Variants in CSNK2A2IP observed in about 807,000 individuals in gnomAD.
CSNK2A2IP encodes casein kinase 2 subunit alpha' interacting protein.
At chr3:88,367,745 C>T in the CSNK2A2IP span, among the ~76,000 whole-genome samples, 1 of 152,050 alleles carries the variant, frequency 6.6e-6, no homozygotes, top group Non-Finnish European at 1.5e-5. Context: ...AACAGAACTC[C>T]TGTGTTATCT....
the CSNK2A2IP span, among the ~76,000 whole-genome samples, chr3:88,370,280 GT>G: frequency 6.6e-6 from 1 of 151,744 alleles, no homozygotes; most frequent in Non-Finnish European, 1.5e-5. Context: ...AAAGACTGAG[GT>G]TTTAAAAGGA....
chr3:88,439,293 T>C, the CSNK2A2IP span, among the ~76,000 whole-genome samples: 23 of 152,228 alleles, frequency 1.5e-4, no homozygotes, highest in African/African-American at 5.5e-4. Flanking sequence ...TGTGTTTCTG[T>C]GGTGCTTCCT....
chr3:88,466,871 C>T, the CSNK2A2IP span: 1 of 1,162,466 alleles, frequency 8.6e-7, no homozygotes, highest in Non-Finnish European at 1.1e-6. Flanking sequence ...TCTGTCATAC[C>T]AACACCTGAG....
chr3:88,444,041 T>A, the CSNK2A2IP span, among the ~76,000 whole-genome samples: 1 of 151,670 alleles, frequency 6.6e-6, no homozygotes, highest in African/African-American at 2.4e-5. Flanking sequence ...ACAGATAATA[T>A]TTTTAAAAGA....
the CSNK2A2IP span, among the ~76,000 whole-genome samples, chr3:88,381,846 G>T: frequency 9.2e-5 from 14 of 152,316 alleles, no homozygotes; most frequent in South Asian, 2.9e-3. Context: ...TGTCATGATG[G>T]TTTCATGGGT....
At chr3:88,390,626 A>C in the CSNK2A2IP span, among the ~76,000 whole-genome samples, 1 of 152,246 alleles carries the variant, frequency 6.6e-6, no homozygotes, top group Non-Finnish European at 1.5e-5. Context: ...TTCTCTGATT[A>C]AAAGTTGTAT....
At chr3:88,442,324 A>T in the CSNK2A2IP span, among the ~76,000 whole-genome samples, 2,220 of 152,150 alleles carry the variant, frequency 0.015, 46 homozygotes, top group Middle Eastern at 0.048. Flanking sequence ...ACGAGCACAA[A>T]CCACTGCGCC....
chr3:88,457,662 C>G, the CSNK2A2IP span, among the ~76,000 whole-genome samples: 1 of 148,410 alleles, frequency 6.7e-6, no homozygotes, highest in Non-Finnish European at 1.5e-5. Flanking sequence ...TGCTATTGCA[C>G]TCTAGCCTGG....
At chr3:88,389,335 A>ATT in the CSNK2A2IP span, among the ~76,000 whole-genome samples, 1 of 152,074 alleles carries the variant, frequency 6.6e-6, no homozygotes. Context: ...TCCCTGGAAG[A>ATT]AGGAGCAGCA....
chr3:88,413,887 A>AAATCTTAAGAGC, the CSNK2A2IP span, among the ~76,000 whole-genome samples: 1 of 152,026 alleles, frequency 6.6e-6, no homozygotes, highest in Non-Finnish European at 1.5e-5. Flanking sequence ...GTTTGTTAGA[A>AAATCTTAAGAGC]AATCTTAAGA....
chr3:88,375,591 T>TG, the CSNK2A2IP span, among the ~76,000 whole-genome samples: 5 of 151,582 alleles, frequency 3.3e-5, no homozygotes, highest in African/African-American at 1.2e-4. Flanking sequence ...CCCCTTCAAA[T>TG]GTATGTAAAA....
At chr3:88,434,221 G>A in the CSNK2A2IP span, among the ~76,000 whole-genome samples, 8 of 152,184 alleles carry the variant, frequency 5.3e-5, no homozygotes, top group East Asian at 5.8e-4. Flanking sequence ...TTCCTGCTGC[G>A]TTTGGCTATA....
At chr3:88,339,409 GTA>G in the CSNK2A2IP span, among the ~76,000 whole-genome samples, 3 of 151,982 alleles carry the variant, frequency 2.0e-5, no homozygotes, top group Non-Finnish European at 4.4e-5. Flanking sequence ...ATTCCATTGT[GTA>G]TATGTGCCAC....
At chr3:88,391,141 G>A in the CSNK2A2IP span, among the ~76,000 whole-genome samples, 5 of 152,154 alleles carry the variant, frequency 3.3e-5, no homozygotes, top group Non-Finnish European at 7.4e-5. Context: ...CTATGTTTAT[G>A]TCTATTTCTG....
At chr3:88,355,082 G>A in the CSNK2A2IP span, among the ~76,000 whole-genome samples, 1 of 152,128 alleles carries the variant, frequency 6.6e-6, no homozygotes, top group Non-Finnish European at 1.5e-5. Context: ...GCAATGCAAA[G>A]TAAGATACTA....
chr3:88,401,907 A>G, the CSNK2A2IP span, among the ~76,000 whole-genome samples: 1 of 152,056 alleles, frequency 6.6e-6, no homozygotes, highest in Non-Finnish European at 1.5e-5. Context: ...AAATTAGCTT[A>G]AAAATCTGAT....
chr3:88,441,421 G>A, the CSNK2A2IP span, among the ~76,000 whole-genome samples: 1 of 152,042 alleles, frequency 6.6e-6, no homozygotes, highest in Non-Finnish European at 1.5e-5. Flanking sequence ...TACATTAACT[G>A]ATTTTGAGGT....
the CSNK2A2IP span, among the ~76,000 whole-genome samples, chr3:88,416,272 A>T: frequency 1.6e-5 from 2 of 126,622 alleles, no homozygotes; most frequent in Admixed American, 7.8e-5. Context: ...ACTCCCTATT[A>T]AAAAAAAAAA....
the CSNK2A2IP span, among the ~76,000 whole-genome samples, chr3:88,424,546 A>T: frequency 6.6e-6 from 1 of 152,206 alleles, no homozygotes. Flanking sequence ...TAAAAAGAAA[A>T]GCAATCATTT....
Sources: allele counts gnomAD v4.1 joint callset (sites outside exome capture counted in the v4.1 genomes callset), GRCh38; gene constraint gnomAD v4.1.1; transcripts MANE v1.5; gene names NCBI Gene and HGNC (gene_info 2026-07-23, HGNC 2026-07-21).